The following PHLPP1 variants were observed in gnomAD, a reference collection of about 807,000 sequenced individuals.
PHLPP1 encodes the protein PH domain leucine-rich repeat-containing protein phosphatase 1.
Under a neutral mutation model 117.2 loss-of-function variants are expected in PHLPP1, and 42 were observed. The ratio of observed to expected loss-of-function variants is 0.36; its 90% confidence interval spans 0.28 to 0.46. PHLPP1 has a LOEUF of 0.46. Ranked by LOEUF, PHLPP1 falls within the 20% of genes least tolerant of loss-of-function variation. The pLI is 1.00. For missense variants in PHLPP1, 2,084 were observed against 2,241.9 expected, an observed-to-expected ratio of 0.93 and a Z score of 1.42; for synonymous variants, 1,042 against 970.7, an observed-to-expected ratio of 1.07 and a Z score of -1.37.
intron 1 of PHLPP1, among the ~76,000 whole-genome samples, chr18:62,727,615 C>CAA (rs71160863): frequency 8.1e-5 from 5 of 61,480 alleles, no homozygotes; most frequent in Admixed American, 1.8e-4. Context: ...GACCCTGTCT[C>CAA]AAAAAAAAAA....
At chr18:62,899,136 G>A (rs566288614) in intron 6 of PHLPP1, among the ~76,000 whole-genome samples, 7 of 152,270 alleles carry the variant, frequency 4.6e-5, no homozygotes, top group Admixed American at 3.3e-4. Context: ...TGCACAGTGA[G>A]TTGCATGTGA....
chr18:62,719,396 A>G (rs890237083), intron 1 of PHLPP1, among the ~76,000 whole-genome samples: 6 of 152,212 alleles, frequency 3.9e-5, no homozygotes, highest in African/African-American at 1.4e-4. Context: ...TGGTGAATCC[A>G]CTTGAATTTT....
At chr18:62,745,876 A>G (rs184561738) in intron 1 of PHLPP1, among the ~76,000 whole-genome samples, 2 of 152,290 alleles carry the variant, frequency 1.3e-5, no homozygotes, top group African/African-American at 4.8e-5. Flanking sequence ...AACTATAAAG[A>G]TTTGAAATCC....
intron 1 of PHLPP1, among the ~76,000 whole-genome samples, chr18:62,725,891 C>T (rs1228544077): frequency 6.6e-6 from 1 of 151,970 alleles, no homozygotes; most frequent in Non-Finnish European, 1.5e-5. Context: ...TAAAAAAATG[C>T]GTAAGTACAC....
At position 62,716,215 on chromosome 18, in the gene PHLPP1, C is replaced by T; in HGVS notation, c.532C>T (p.Leu178Phe). ...CTRSLDRKTL[L>F]LKHRQTLQLQ... ...CCGGAGCCTGGACAGGAAGACGCTG[C>T]TTCTGAAGCACCGGCAGACGCTGCA... The change falls in exon 1 of 17, where the codon CTT becomes TTT. Residue 178 changes from leucine to phenylalanine, a missense_variant. Coordinates refer to ENST00000262719, the MANE Select transcript of PHLPP1 (RefSeq NM_194449.4). This position sits in a 1 kb window ranked among gnomAD's most constrained non-coding sequence, Gnocchi z 5.7. 1 of 1,528,316 alleles carries T rather than the reference C, an allele frequency of 6.5e-7. No homozygotes were observed. The allele number at this position is 1,528,316 out of a possible 1,614,324, so 94.7% of individuals were successfully genotyped here. A position where few individuals can be genotyped will look rare whatever the true frequency, so the allele number is the denominator to read the frequency against.
intron 12 of PHLPP1, among the ~76,000 whole-genome samples, chr18:62,956,143 A>G (rs1281444919): frequency 6.6e-6 from 1 of 152,212 alleles, no homozygotes; most frequent in Non-Finnish European, 1.5e-5. Flanking sequence ...GTGGTGGTAT[A>G]TTAGGGCATT....
intron 3 of PHLPP1, among the ~76,000 whole-genome samples, chr18:62,850,372 G>A (rs980406518): frequency 8.1e-6 from 1 of 122,868 alleles, no homozygotes; most frequent in African/African-American, 3.0e-5. Context: ...TGGTGATGGA[G>A]CAAGACTCCA....
At chr18:62,774,311 G>T (rs1568113088) in intron 1 of PHLPP1, among the ~76,000 whole-genome samples, 2 of 152,156 alleles carry the variant, frequency 1.3e-5, no homozygotes, top group East Asian at 3.8e-4. Context: ...TAGACACGTA[G>T]CATGGCATGG....
rs1451936489 is a variant in PHLPP1, at chr18:62,799,203, A to G, written c.1577-30832A>G. 2.0e-5 allele frequency among the ~76,000 whole-genome samples: 3 copies of G among 152,198 alleles called. No individual in the cohort carries two copies. The East Asian group carries it at 5.8e-4, about 29-fold the overall frequency. ...GGAGTGGTAAATAGGCTATTGTATA[A>G]AATGGACAATGAAAGGATACTAAAA... is the stretch of plus-strand genomic sequence containing the variant. On this transcript the variant is annotated intron_variant, in intron 1 of 16. Transcript: ENST00000262719.
At chr18:62,959,995 A>T (rs1330771118) in intron 13 of PHLPP1, among the ~76,000 whole-genome samples, 4 of 152,188 alleles carry the variant, frequency 2.6e-5, no homozygotes, top group Non-Finnish European at 4.4e-5. Context: ...GAGAAAAAAA[A>T]TGGCCTACGT....
At position 62,905,229 on chromosome 18, in the gene PHLPP1, G is replaced by C; in HGVS notation, c.2653G>C (p.Val885Leu). 6.5e-7 allele frequency: 1 copy of C among 1,527,822 alleles called. No individual in the cohort carries two copies. The highest frequency in any genetic ancestry group is 1.4e-5 in the South Asian group (1 of 73,580). The allele number at this position is 1,527,822 out of a possible 1,614,324, so 94.6% of individuals were successfully genotyped here. The change falls in exon 8 of 17, where the codon GTT (valine) becomes CTT (leucine). Residue 885 changes from valine to leucine, a missense_variant. Coordinates refer to ENST00000262719, the MANE Select transcript of PHLPP1 (RefSeq NM_194449.4). ...GTTTTTTTTTTTCTTCCTAGAACTT[G>C]TTCAACTTGATGTTTACCCAGTTCC... is the stretch of plus-strand genomic sequence containing the variant. ...KALYASSNEL[V>L]QLDVYPVPNY... is the part of the protein sequence containing the mutation.
At chr18:62,742,289 T>C (rs530629224) in intron 1 of PHLPP1, among the ~76,000 whole-genome samples, 1 of 152,328 alleles carries the variant, frequency 6.6e-6, no homozygotes, top group South Asian at 2.1e-4. Context: ...TACATGACTT[T>C]CTTCATCTTT....
intron 1 of PHLPP1, among the ~76,000 whole-genome samples, chr18:62,772,830 CAAA>C (rs59776161): frequency 6.6e-5 from 4 of 61,062 alleles, no homozygotes; most frequent in Non-Finnish European, 3.1e-5. Context: ...GACTCTTTCT[CAAA>C]AAAAAAAAAA....
intron 4 of PHLPP1, among the ~76,000 whole-genome samples, chr18:62,887,743 T>A (rs1229464181): frequency 6.6e-6 from 1 of 152,174 alleles, no homozygotes; most frequent in Admixed American, 6.5e-5. Flanking sequence ...TTTTATTTTA[T>A]TTTTTCTTTT....
chr18:62,819,619 T>A (rs1425615311), intron 1 of PHLPP1, among the ~76,000 whole-genome samples: 5 of 152,184 alleles, frequency 3.3e-5, no homozygotes, highest in Non-Finnish European at 5.9e-5. Flanking sequence ...AAGAGGTAAC[T>A]GCTGCCTACA....
At chr18:62,861,171 A>G (rs1028303765) in intron 4 of PHLPP1, among the ~76,000 whole-genome samples, 3 of 152,042 alleles carry the variant, frequency 2.0e-5, no homozygotes, top group African/African-American at 7.2e-5. Flanking sequence ...GTGCAGTGGC[A>G]TGATCTCGGC....
At position 62,856,395 on chromosome 18, in the gene PHLPP1, C is replaced by A. The variant is rs530374244; in HGVS notation, c.1900-4040C>A. Among the ~76,000 whole-genome samples, 4 of 152,234 alleles carry A rather than the reference C, an allele frequency of 2.6e-5. No individual in the cohort carries two copies. In the South Asian group the frequency reaches 8.3e-4, roughly 32 times the overall value. ...TTGCCAGTCACTGTCTCCTTATTAT[C>A]AGTGTTCTCAAGTCCCTCGGACATG... On this transcript the variant is annotated intron_variant, in intron 3 of 16. Transcript: ENST00000262719.
intron 12 of PHLPP1, 42 bp downstream of exon 12, chr18:62,945,313 A>C: frequency 6.6e-7 from 1 of 1,514,858 alleles, no homozygotes; most frequent in Non-Finnish European, 8.9e-7. Context: ...TCAGGTCGGC[A>C]AAGAAAGTTG....
intron 12 of PHLPP1, among the ~76,000 whole-genome samples, chr18:62,947,667 T>C (rs1910338661): frequency 6.6e-6 from 1 of 152,242 alleles, no homozygotes. Flanking sequence ...TTTAATGTTA[T>C]AAACTCTTAA....
Sources: gnomAD v4.1 joint callset for allele counts (sites outside exome capture counted in the v4.1 genomes callset) on GRCh38, gnomAD v4.1.1 for gene constraint, Gnocchi (gnomAD v3.1) non-coding constraint, MANE v1.5 for transcripts, NCBI Gene and HGNC (gene_info 2026-07-23, HGNC 2026-07-21) for gene names.